CSMD1: variants seen among roughly 807,000 people sequenced by gnomAD.
CSMD1 encodes the protein CUB and Sushi multiple domains 1.
Under a neutral mutation model 417.5 loss-of-function variants are expected in CSMD1, and 213 were observed. The ratio of observed to expected loss-of-function variants is 0.51; its 90% confidence interval spans 0.46 to 0.57. CSMD1 has a LOEUF of 0.57. Among genes scored for constraint, CSMD1 ranks in the 20% least tolerant of loss-of-function variants. CSMD1 has a pLI of 0.00. For synonymous variants in CSMD1, 2,862 were observed against 1,736.8 expected (o/e 1.65, Z -16.11); for missense variants, 6,923 against 4,529.7 (o/e 1.53, Z -15.17).
At chr8:4,418,252 G>T (rs1290265149) in intron 3 of CSMD1, among the ~76,000 whole-genome samples, 2 of 151,928 alleles carry the variant, frequency 1.3e-5, no homozygotes, top group African/African-American at 2.4e-5. Flanking sequence ...ATAAATCCAA[G>T]TTACTCAACT....
At chr8:4,865,589 C>T (rs749606965) in intron 1 of CSMD1, among the ~76,000 whole-genome samples, 2 of 151,948 alleles carry the variant, frequency 1.3e-5, no homozygotes, top group Admixed American at 1.3e-4. Context: ...CCAATTTCCA[C>T]TGTTGCATAC....
intron 5 of CSMD1, among the ~76,000 whole-genome samples, chr8:3,902,464 A>G (rs1004701369): frequency 4.0e-5 from 6 of 151,502 alleles, no homozygotes; most frequent in South Asian, 2.1e-4. Context: ...TTTTTTTTCC[A>G]TGGACTCAAG....
At chr8:3,482,883 G>A (rs1481790793) in intron 11 of CSMD1, among the ~76,000 whole-genome samples, 1 of 152,072 alleles carries the variant, frequency 6.6e-6, no homozygotes, top group Non-Finnish European at 1.5e-5. Context: ...AATAATCCAT[G>A]ATTCAAAGGG....
At chr8:4,170,627 A>T (rs1396187821) in intron 3 of CSMD1, among the ~76,000 whole-genome samples, 2 of 151,900 alleles carry the variant, frequency 1.3e-5, no homozygotes, top group Non-Finnish European at 2.9e-5. Context: ...CTGGGTGGAA[A>T]ACATTTGTTT....
chr8:4,682,851 A>C lies in CSMD1; in HGVS notation c.86-45293T>G, dbSNP rs542633328. On this transcript the variant is annotated intron_variant, in intron 1 of 69. Transcript: ENST00000635120. ...TAAATACACTGAAATGTTTTTATCCAAAGACTACTAAATAGTGACTACATA... is the reference window on the plus strand; with the variant it reads ...TAAATACACTGAAATGTTTTTATCCCAAGACTACTAAATAGTGACTACATA... 5.9e-3 allele frequency among the ~76,000 whole-genome samples: 897 copies of C among 150,766 alleles called. 13 individuals carry two copies. The highest frequency in any genetic ancestry group is 0.02 in the African/African-American group (829 of 41,358).
intron 5 of CSMD1, among the ~76,000 whole-genome samples, chr8:3,783,052 C>A (rs1799264842): frequency 6.6e-6 from 1 of 152,164 alleles, no homozygotes; most frequent in Non-Finnish European, 1.5e-5. Flanking sequence ...CTGACACTTC[C>A]TACTGTTGAA....
intron 1 of CSMD1, among the ~76,000 whole-genome samples, chr8:4,755,087 G>A (rs1471206972): frequency 6.6e-6 from 1 of 152,118 alleles, no homozygotes; most frequent in Non-Finnish European, 1.5e-5. Flanking sequence ...GCAGTGAGCC[G>A]ATATGGTGCC....
intron 2 of CSMD1, among the ~76,000 whole-genome samples, chr8:4,506,401 G>C (rs1802529927): frequency 6.6e-6 from 1 of 152,022 alleles, no homozygotes; most frequent in South Asian, 2.1e-4. Context: ...GGGAGAGAGA[G>C]AAAGTGATGA....
intron 1 of CSMD1, among the ~76,000 whole-genome samples, chr8:4,979,415 G>C (rs761342023): frequency 6.6e-6 from 1 of 152,160 alleles, no homozygotes; most frequent in African/African-American, 2.4e-5. Flanking sequence ...ATGAGGAGGA[G>C]AGACGGAACT....
intron 1 of CSMD1, among the ~76,000 whole-genome samples, chr8:4,931,704 T>C (rs545011283): frequency 4.6e-5 from 7 of 152,316 alleles, no homozygotes; most frequent in Non-Finnish European, 1.0e-4. Flanking sequence ...CTAACCAGGA[T>C]TGAATTATTG....
chr8:3,322,607 G>A (rs1294084704), intron 23 of CSMD1, among the ~76,000 whole-genome samples: 6 of 152,144 alleles, frequency 3.9e-5, no homozygotes, highest in African/African-American at 1.4e-4. Flanking sequence ...TAATGCACCA[G>A]GTTCCAGTAA....
intron 57 of CSMD1, among the ~76,000 whole-genome samples, chr8:2,967,254 A>T (rs1804050770): frequency 6.6e-6 from 1 of 152,226 alleles, no homozygotes; most frequent in Admixed American, 6.5e-5. Flanking sequence ...AGAATGCCTC[A>T]GAAGTATGAA....
chr8:4,586,354 C>A (rs539722395), intron 2 of CSMD1, among the ~76,000 whole-genome samples: 4 of 152,240 alleles, frequency 2.6e-5, no homozygotes, highest in South Asian at 2.1e-4. Context: ...AGATAGATTT[C>A]TCTCACAGAG....
intron 3 of CSMD1, among the ~76,000 whole-genome samples, chr8:4,320,150 A>C (rs139716092): frequency 1.3e-3 from 204 of 152,288 alleles, no homozygotes; most frequent in African/African-American, 4.7e-3. Context: ...AAAGCACAAA[A>C]CTTTATTTAG....
intron 23 of CSMD1, among the ~76,000 whole-genome samples, chr8:3,310,681 C>CTT (rs1563258101): frequency 6.6e-6 from 1 of 152,076 alleles, no homozygotes; most frequent in African/African-American, 2.4e-5. Context: ...CCTGGGAAAA[C>CTT]TTAAAAATCT....
chr8:3,312,529 A>T (rs1454485914), intron 23 of CSMD1, among the ~76,000 whole-genome samples: 1 of 152,202 alleles, frequency 6.6e-6, no homozygotes, highest in Non-Finnish European at 1.5e-5. Flanking sequence ...TAGACTGAAG[A>T]GAGCTTTGTT....
chr8:3,912,282 G>A lies in CSMD1; in HGVS notation c.818+85621C>T, dbSNP rs186661580. The stretch of plus-strand genomic sequence containing the variant: ...ACTAATTATTCAAAAAACAATATAC[G>A]GAGGGTGAATATTTTATATTTTAGT... On this transcript the variant is annotated intron_variant, in intron 5 of 69. Transcript: ENST00000635120. Among the ~76,000 whole-genome samples the A allele has an allele frequency of 7.2e-3, 1,103 of 152,170 alleles. 10 individuals carry two copies. The highest frequency in any genetic ancestry group is 0.014 in the Middle Eastern group (4 of 294).
rs539498208 is a variant in CSMD1 at position 3,384,451 on chromosome 8, A to T, written c.2782+3043T>A. On this transcript the variant is annotated intron_variant, in intron 18 of 69. Coordinates refer to ENST00000635120, the MANE Select transcript of CSMD1 (RefSeq NM_033225.6). ...GATCTGTTACTAGAATCCTTACGCT[A>T]TTGCACTAATATATTTGTGTATTTC... Among the ~76,000 whole-genome samples the T allele has an allele frequency of 3.3e-5, 5 of 151,400 alleles. No individual in the cohort carries two copies. The South Asian group carries it at 1.0e-3, about 31-fold the overall frequency.
chr8:4,517,461 C>T lies in CSMD1; in HGVS notation c.303-97396G>A, dbSNP rs542392495. 2.6e-5 allele frequency among the ~76,000 whole-genome samples: 4 copies of T among 152,278 alleles called. No homozygotes were observed. The South Asian group carries it at 6.2e-4, about 24-fold the overall frequency. On this transcript the variant is annotated intron_variant, in intron 2 of 69. Transcript: ENST00000635120. Reference sequence around the variant, plus strand: ...TGTATTTCACAGAGATGTGATCATTCAGTTAGACACATAGATAATGTTCCT... The same window carrying T: ...TGTATTTCACAGAGATGTGATCATTTAGTTAGACACATAGATAATGTTCCT...
Sources: allele counts gnomAD v4.1 joint callset (sites outside exome capture counted in the v4.1 genomes callset), GRCh38; gene constraint gnomAD v4.1.1; transcripts MANE v1.5; gene names NCBI Gene and HGNC (gene_info 2026-07-23, HGNC 2026-07-21).